Variants in ZNF536 observed in about 807,000 individuals in gnomAD.
The protein encoded by ZNF536 is zinc finger protein 536.
A neutral mutation model predicts 84.5 loss-of-function variants in ZNF536; 13 were observed. The ratio of observed to expected loss-of-function variants is 0.15; its 90% CI spans 0.10 to 0.24. The LOEUF (loss-of-function observed/expected upper bound fraction) is 0.24, where lower values mean the gene tolerates loss of function less well. Among genes scored for constraint, ZNF536 ranks in the 10% least tolerant of loss-of-function variants. ZNF536 has a pLI of 1.00. For synonymous variants in ZNF536, 811 were observed against 742.5 expected (o/e 1.09, Z -1.50); for missense variants, 1,536 against 1,747.5 (o/e 0.88, Z 2.16).
At chr19:30,511,884 G>A (rs1053587234) in intron 2 of ZNF536, among the ~76,000 whole-genome samples, 2 of 152,088 alleles carry the variant, frequency 1.3e-5, no homozygotes, top group African/African-American at 4.8e-5. Flanking sequence ...AGGGTTTCTG[G>A]TGCTATTTAT....
At chr19:30,512,045 T>C (rs147575818) in intron 2 of ZNF536, among the ~76,000 whole-genome samples, 91 of 152,314 alleles carry the variant, frequency 6.0e-4, no homozygotes, top group African/African-American at 1.9e-3. Flanking sequence ...CTGCAAAGCA[T>C]ATGGCAAAGC....
chr19:30,465,428 T>G (rs2053341682), intron 2 of ZNF536, among the ~76,000 whole-genome samples: 1 of 152,218 alleles, frequency 6.6e-6, no homozygotes, highest in African/African-American at 2.4e-5. Flanking sequence ...CTCTTCCTGG[T>G]TTTCTTCTTC....
At chr19:30,565,402 G>T (rs1441061689) in intron 1 of ZNF536, among the ~76,000 whole-genome samples, 3 of 152,112 alleles carry the variant, frequency 2.0e-5, no homozygotes, top group Non-Finnish European at 2.9e-5. Flanking sequence ...TTGCCCCGGT[G>T]GGGGCCCACC....
intron 2 of ZNF536, among the ~76,000 whole-genome samples, chr19:30,523,801 A>T (rs749896407): frequency 3.6e-4 from 55 of 152,168 alleles, no homozygotes; most frequent in Admixed American, 5.9e-4. Flanking sequence ...GAGAGGTGGT[A>T]TGGCTGTGTG....
intron 2 of ZNF536, among the ~76,000 whole-genome samples, chr19:30,462,574 A>C (rs564584523): frequency 2.5e-4 from 38 of 151,846 alleles, no homozygotes; most frequent in Non-Finnish European, 4.7e-4. Flanking sequence ...CACAGGTGAC[A>C]GTGACTTGGG....
chr19:30,315,917 AC>A (rs1197528787), intron 2 of ZNF536, among the ~76,000 whole-genome samples: 1 of 152,300 alleles, frequency 6.6e-6, no homozygotes, highest in East Asian at 1.9e-4. Context: ...TTTAAAAAAA[AC>A]AGTATTGTTT....
intron 2 of ZNF536, among the ~76,000 whole-genome samples, chr19:30,531,341 G>C (rs16964283): frequency 0.046 from 6,949 of 152,174 alleles, 450 homozygotes; most frequent in African/African-American, 0.15. Flanking sequence ...CAGGGCGGCC[G>C]TATCGCTATT....
rs1600289568 is a variant in ZNF536 at position 30,340,378 on chromosome 19, C to A, written c.-119-11990C>A. On this transcript the variant is annotated intron_variant, in intron 2 of 5. Coordinates refer to the ZNF536 transcript ENST00000585628. The stretch of plus-strand genomic sequence containing the variant: ...GTCCCGGAGGGGAGACCGCACTGGG[C>A]CCAGCCCAGCCCCTGGACTCCCCCT... 1.3e-5 allele frequency among the ~76,000 whole-genome samples: 2 copies of A among 152,270 alleles called. 1 individual carries two copies. Among genetic ancestry groups the A allele is most frequent in the Non-Finnish European group, 2.9e-5 (2 of 68,004 alleles).
At chr19:30,575,000 T>C (rs2046679958) in intron 1 of ZNF536, among the ~76,000 whole-genome samples, 1 of 152,114 alleles carries the variant, frequency 6.6e-6, no homozygotes, top group Non-Finnish European at 1.5e-5. Flanking sequence ...CAGTCTACAC[T>C]GGGACAGGTC....
chr19:30,386,873 C>T (rs1192935688), intron 1 of ZNF536, among the ~76,000 whole-genome samples: 3 of 152,214 alleles, frequency 2.0e-5, no homozygotes, highest in Admixed American at 2.0e-4. Context: ...TCTATTACAG[C>T]GGAAACAGTG....
chr19:30,537,843 C>T (rs765395425), intron 3 of ZNF536, among the ~76,000 whole-genome samples: 1 of 152,114 alleles, frequency 6.6e-6, no homozygotes, highest in African/African-American at 2.4e-5. Context: ...TGAAAGAAGC[C>T]ATGGAAACAT....
chr19:30,458,586 G>T (rs2052981812), intron 2 of ZNF536, among the ~76,000 whole-genome samples: 1 of 151,412 alleles, frequency 6.6e-6, no homozygotes, highest in Non-Finnish European at 1.5e-5. Context: ...CCGAGTAGCT[G>T]GGATTACAGG....
In ZNF536 at chr19:30,454,754, C is replaced by T. The variant is rs574673915; in HGVS notation, c.2170+9022C>T. Among the ~76,000 whole-genome samples the T allele has an allele frequency of 2.2e-3, 342 of 152,172 alleles. 2 individuals carry two copies. Among genetic ancestry groups the T allele is most frequent in the South Asian group, 4.1e-3 (20 of 4,820 alleles). ...CCTTCAAAACCTTTCCACTTGGGAC[C>T]GGGTGTGGTGGCTCACTCCTGTAAT... On this transcript the variant is annotated intron_variant, in intron 2 of 4. Coordinates refer to ENST00000355537, the MANE Select transcript of ZNF536 (RefSeq NM_014717.3).
At chr19:30,436,890 C>T (rs1022630019) in intron 1 of ZNF536, among the ~76,000 whole-genome samples, 5 of 152,212 alleles carry the variant, frequency 3.3e-5, no homozygotes, top group Admixed American at 6.5e-5. Flanking sequence ...GCTGTGAACC[C>T]GAGTCCTAGA....
chr19:30,643,953 A>G (rs2049365219), intron 1 of ZNF536, among the ~76,000 whole-genome samples: 1 of 152,374 alleles, frequency 6.6e-6, no homozygotes, highest in African/African-American at 2.4e-5. Context: ...AGAATGAACC[A>G]AATTGAAAGG....
intron 1 of ZNF536, among the ~76,000 whole-genome samples, chr19:30,595,709 C>A (rs1172478183): frequency 6.6e-6 from 1 of 152,162 alleles, no homozygotes; most frequent in African/African-American, 2.4e-5. Context: ...CTTTCAAGAC[C>A]CCAACTCTGT....
chr19:30,289,059 T>A (rs1202267928), intron 2 of ZNF536, among the ~76,000 whole-genome samples: 1 of 152,148 alleles, frequency 6.6e-6, no homozygotes, highest in Non-Finnish European at 1.5e-5. Context: ...TCCCATTCCT[T>A]TGTGAAGGAG....
chr19:30,509,445 A>G (rs994482359), intron 2 of ZNF536, among the ~76,000 whole-genome samples: 1 of 148,112 alleles, frequency 6.8e-6, no homozygotes, highest in East Asian at 1.9e-4. Flanking sequence ...TATGCATAGT[A>G]TATAATTTAT....
chr19:30,308,687 G>A (rs546183610), intron 2 of ZNF536, among the ~76,000 whole-genome samples: 2 of 152,238 alleles, frequency 1.3e-5, no homozygotes, highest in African/African-American at 4.8e-5. Context: ...AAGGCTCCAA[G>A]TTCTAAGGGT....
Sources: allele counts gnomAD v4.1 joint callset (sites outside exome capture counted in the v4.1 genomes callset), GRCh38; gene constraint gnomAD v4.1.1; transcripts MANE v1.5; gene names NCBI Gene and HGNC (gene_info 2026-07-23, HGNC 2026-07-21).